SAMD3: variants seen among roughly 807,000 people sequenced by gnomAD.
SAMD3 encodes sterile alpha motif domain-containing protein 3.
SAMD3 carries 63 observed loss-of-function variants against 58.5 expected under a neutral mutation model. The ratio of observed to expected loss-of-function variants is 1.08; its 90% CI spans 0.88 to 1.33. The LOEUF (loss-of-function observed/expected upper bound fraction) is 1.33. Ranked by LOEUF, SAMD3 falls within the 40% of genes most tolerant of loss-of-function variation. The pLI is 0.00. For missense variants in SAMD3, 604 were observed against 608.4 expected (o/e 0.99, Z 0.08); for synonymous variants, 220 against 210.3 (o/e 1.05, Z -0.40).
intron 2 of SAMD3, among the ~76,000 whole-genome samples, chr6:130,278,633 C>T (rs1774868746): frequency 6.6e-6 from 1 of 152,136 alleles, no homozygotes; most frequent in South Asian, 2.1e-4. Flanking sequence ...TTCAAGGCCT[C>T]CCTACAACTG....
chr6:130,257,565 C>A (rs1210954571), intron 2 of SAMD3, among the ~76,000 whole-genome samples: 1 of 152,126 alleles, frequency 6.6e-6, no homozygotes, highest in Admixed American at 6.5e-5. Context: ...ATTCTGAATA[C>A]ATCTCAATGC....
chr6:130,321,770 G>A (rs6909415), intron 1 of SAMD3, among the ~76,000 whole-genome samples: 67,866 of 151,704 alleles, frequency 0.45, 17,533 homozygotes, highest in African/African-American at 0.72. Context: ...GCCAAGCTAC[G>A]TATATATCCA....
At chr6:130,260,776 C>A (rs1398130201) in intron 2 of SAMD3, among the ~76,000 whole-genome samples, 3 of 152,196 alleles carry the variant, frequency 2.0e-5, no homozygotes, top group South Asian at 2.1e-4. Flanking sequence ...CAGTGAGACG[C>A]CTCACCAGAG....
At chr6:130,355,403 G>A (rs1777796664) in intron 1 of SAMD3, among the ~76,000 whole-genome samples, 1 of 152,110 alleles carries the variant, frequency 6.6e-6, no homozygotes, top group African/African-American at 2.4e-5. Flanking sequence ...CAGCCTAGGT[G>A]ACAGAGTGAG....
At chr6:130,158,706 C>A (rs1348061055) in intron 8 of SAMD3, among the ~76,000 whole-genome samples, 2 of 152,074 alleles carry the variant, frequency 1.3e-5, no homozygotes, top group Admixed American at 1.3e-4. Context: ...AAAGAAGCAA[C>A]AAAAATCAGA....
At chr6:130,281,549 T>C (rs983102682) in intron 2 of SAMD3, among the ~76,000 whole-genome samples, 6 of 152,062 alleles carry the variant, frequency 3.9e-5, no homozygotes, top group Non-Finnish European at 8.8e-5. Context: ...TCTAATCATG[T>C]CACTCTTCTG....
chr6:130,173,784 G>A (rs1791460742), intron 8 of SAMD3, among the ~76,000 whole-genome samples: 1 of 152,246 alleles, frequency 6.6e-6, no homozygotes. Context: ...AGCCACTGAA[G>A]CTGCACCCAC....
chr6:130,351,634 G>A (rs1258098721), intron 1 of SAMD3, among the ~76,000 whole-genome samples: 1 of 152,084 alleles, frequency 6.6e-6, no homozygotes, highest in African/African-American at 2.4e-5. Flanking sequence ...TGGTGGGACT[G>A]TGAACTAGTT....
intron 2 of SAMD3, among the ~76,000 whole-genome samples, chr6:130,243,075 C>G (rs1773418851): frequency 1.3e-5 from 2 of 152,142 alleles, no homozygotes; most frequent in Admixed American, 6.6e-5. Context: ...CAAAGTTGTT[C>G]CCCCGCTACA....
At chr6:130,241,689 A>C (rs1773364290) in intron 2 of SAMD3, among the ~76,000 whole-genome samples, 2 of 152,160 alleles carry the variant, frequency 1.3e-5, no homozygotes, top group Non-Finnish European at 2.9e-5. Flanking sequence ...TATGAACACA[A>C]CTTTGAAAAA....
chr6:130,215,120 T>C (rs1795920805), intron 3 of SAMD3, 75 bp downstream of exon 3: 1 of 775,678 alleles, frequency 1.3e-6, no homozygotes, highest in Non-Finnish European at 2.2e-6. Context: ...GCAACAAAAG[T>C]AATTTTCAGT....
At chr6:130,236,528 C>T (rs192017017) in intron 2 of SAMD3, among the ~76,000 whole-genome samples, 5 of 152,068 alleles carry the variant, frequency 3.3e-5, no homozygotes, top group Non-Finnish European at 5.9e-5. Context: ...GGATTACAGG[C>T]GCCCACCACC....
At chr6:130,285,352 A>G (rs144476101) in intron 2 of SAMD3, among the ~76,000 whole-genome samples, 1 of 152,224 alleles carries the variant, frequency 6.6e-6, no homozygotes, top group Non-Finnish European at 1.5e-5. Context: ...CAACAATTAC[A>G]GATCAAATTG....
rs777904214 is a variant in SAMD3, at chr6:130,146,032, G to T, written c.1173C>A (p.Tyr391Ter). The T allele has an allele frequency of 1.3e-6, 2 of 1,570,398 alleles. No individual in the cohort carries two copies. The highest frequency in any genetic ancestry group is 2.4e-5 in the South Asian group (2 of 81,820). ...NIVLQEKMKH[Y>*]TDEDMLKYMK... ...AACATTTCAACATGTCTTCATCTGTGTAATGTTTCATTTTTTCTTGCAATA... is the reference window on the plus strand; with the variant it reads ...AACATTTCAACATGTCTTCATCTGTTTAATGTTTCATTTTTTCTTGCAATA... The change falls in exon 10 of 12, where the codon TAC (tyrosine) becomes TAA (stop). Residue 391 changes from tyrosine (Y) to a stop codon, truncating the protein, a stop_gained. Transcript: ENST00000439090. LOFTEE classifies it high-confidence loss of function.
chr6:130,243,020 G>A (rs929828182), intron 2 of SAMD3, among the ~76,000 whole-genome samples: 2 of 152,156 alleles, frequency 1.3e-5, no homozygotes, highest in Non-Finnish European at 2.9e-5. Context: ...CCACTAGCCT[G>A]AGTATAGTTT....
At position 130,243,746 on chromosome 6, in the gene SAMD3, G is replaced by A. The variant is rs565554892; in HGVS notation, c.-187-20933C>T. 7.2e-5 allele frequency among the ~76,000 whole-genome samples: 11 copies of A among 152,202 alleles called. No homozygotes were observed. In the South Asian group the frequency reaches 1.2e-3, roughly 17 times the overall value. Reference sequence around the variant, plus strand: ...ACTATGGGGATCAATGAACTTGGGCGTTTTCCCAAAGGTGGAATAATTGGG... The same window carrying A: ...ACTATGGGGATCAATGAACTTGGGCATTTTCCCAAAGGTGGAATAATTGGG... On this transcript the variant is annotated intron_variant, in intron 2 of 13. Transcript: ENST00000368134.
chr6:130,343,952 G>A (rs1777356864), intron 1 of SAMD3, among the ~76,000 whole-genome samples: 1 of 145,304 alleles, frequency 6.9e-6, no homozygotes. Flanking sequence ...GCGACAAAGT[G>A]AGACTCTGTC....
chr6:130,183,841 G>C (rs946463515), intron 7 of SAMD3, among the ~76,000 whole-genome samples: 1 of 152,126 alleles, frequency 6.6e-6, no homozygotes, highest in African/African-American at 2.4e-5. Context: ...GAAAGAGAGA[G>C]AGCCAGAGAG....
chr6:130,234,436 T>C (rs1796627398), intron 2 of SAMD3, among the ~76,000 whole-genome samples: 1 of 152,142 alleles, frequency 6.6e-6, no homozygotes, highest in African/African-American at 2.4e-5. Context: ...ATGACACACA[T>C]GTAAAGGGGA....
Sources: allele counts gnomAD v4.1 joint callset (sites outside exome capture counted in the v4.1 genomes callset), GRCh38; gene constraint gnomAD v4.1.1; transcripts MANE v1.5; gene names NCBI Gene and HGNC (gene_info 2026-07-23, HGNC 2026-07-21).